KDM4C: variants seen among roughly 807,000 people sequenced by gnomAD.
KDM4C encodes the protein lysine-specific demethylase 4C.
Under a neutral mutation model 129.3 loss-of-function variants are expected in KDM4C, and 81 were observed. The observed-to-expected ratio is 0.63, with a 90% CI of 0.52 to 0.75. The LOEUF (loss-of-function observed/expected upper bound fraction) is 0.75, where lower values mean the gene tolerates loss of function less well. Among genes scored for constraint, KDM4C ranks in the 30% least tolerant of loss-of-function variants. The pLI, the probability that KDM4C is intolerant of heterozygous loss-of-function variation, is 0.00. For synonymous variants in KDM4C, 573 were observed against 456.1 expected (o/e 1.26, Z -3.26); for missense variants, 1,457 against 1,304.0 (o/e 1.12, Z -1.81).
intron 8 of KDM4C, among the ~76,000 whole-genome samples, chr9:6,921,509 TAGA>T (rs1340821023): frequency 6.6e-6 from 1 of 152,228 alleles, no homozygotes; most frequent in Non-Finnish European, 1.5e-5. Flanking sequence ...CTGTTGGCTC[TAGA>T]ATCTCTGGGA....
intron 17 of KDM4C, among the ~76,000 whole-genome samples, chr9:7,050,771 G>C (rs1830049560): frequency 6.6e-6 from 1 of 152,106 alleles, no homozygotes; most frequent in African/African-American, 2.4e-5. Flanking sequence ...CTTCCTTAAA[G>C]ATTTAACGTT....
At chr9:6,962,272 T>A (rs1015181345) in intron 8 of KDM4C, among the ~76,000 whole-genome samples, 9 of 152,212 alleles carry the variant, frequency 5.9e-5, no homozygotes, top group Non-Finnish European at 1.5e-5. Flanking sequence ...TAGCAGTGTT[T>A]AATCTAGCTA....
At chr9:6,749,319 A>G (rs1008032186) in intron 1 of KDM4C, among the ~76,000 whole-genome samples, 1 of 152,196 alleles carries the variant, frequency 6.6e-6, no homozygotes, top group African/African-American at 2.4e-5. Flanking sequence ...AAGCCTGGCC[A>G]GGAATCCTTA....
intron 17 of KDM4C, among the ~76,000 whole-genome samples, chr9:7,093,361 T>G (rs917292719): frequency 1.3e-5 from 2 of 152,218 alleles, no homozygotes; most frequent in African/African-American, 4.8e-5. Flanking sequence ...CCATCTTTTT[T>G]CATTATTATT....
chr9:6,812,493 A>T (rs991394368), intron 3 of KDM4C, among the ~76,000 whole-genome samples: 1 of 152,182 alleles, frequency 6.6e-6, no homozygotes, highest in African/African-American at 2.4e-5. Context: ...TTTCGGGATG[A>T]AACGGTCCTA....
intron 15 of KDM4C, among the ~76,000 whole-genome samples, chr9:7,037,328 C>T (rs144780583): frequency 6.6e-6 from 1 of 152,226 alleles, no homozygotes; most frequent in Non-Finnish European, 1.5e-5. Context: ...TACAATGCAG[C>T]TTGAGAATGT....
upstream of KDM4C, among the ~76,000 whole-genome samples, chr9:6,756,907 A>G (rs190190508): frequency 3.9e-5 from 6 of 152,348 alleles, no homozygotes; most frequent in African/African-American, 1.2e-4. Flanking sequence ...TTCTGTTATC[A>G]GTATAATGTA....
chr9:6,936,333 A>G (rs62533794), intron 8 of KDM4C, among the ~76,000 whole-genome samples: 38,917 of 152,198 alleles, frequency 0.26, 5,432 homozygotes, highest in South Asian at 0.4. Flanking sequence ...TGCTAAAATC[A>G]TGGAGATTTG....
chr9:6,861,209 G>A (rs1352375447), intron 5 of KDM4C, among the ~76,000 whole-genome samples: 1 of 152,034 alleles, frequency 6.6e-6, no homozygotes, highest in African/African-American at 2.4e-5. Context: ...ATTATGTTCT[G>A]TTCTCATAGA....
chr9:6,837,474 A>G (rs1310638774), intron 4 of KDM4C, among the ~76,000 whole-genome samples: 1 of 152,210 alleles, frequency 6.6e-6, no homozygotes. Context: ...GTCGCAGAAC[A>G]TTTCCATCAG....
At chr9:6,926,896 C>T (rs1191202501) in intron 8 of KDM4C, among the ~76,000 whole-genome samples, 2 of 152,090 alleles carry the variant, frequency 1.3e-5, no homozygotes, top group African/African-American at 4.8e-5. Context: ...TTTTCTTATT[C>T]ATAAACATGT....
intron 18 of KDM4C, among the ~76,000 whole-genome samples, chr9:7,116,035 C>G (rs1230312848): frequency 1.3e-5 from 2 of 152,186 alleles, no homozygotes; most frequent in Non-Finnish European, 1.5e-5. Flanking sequence ...ATTATAATGT[C>G]TGAAGAAACG....
chr9:6,846,880 G>A (rs1044844449), intron 4 of KDM4C, among the ~76,000 whole-genome samples: 1 of 151,992 alleles, frequency 6.6e-6, no homozygotes, highest in African/African-American at 2.4e-5. Context: ...TTAGTGCTCC[G>A]AGCAACTCTA....
chr9:6,999,077 A>G (rs920502954), intron 12 of KDM4C, among the ~76,000 whole-genome samples: 1 of 152,210 alleles, frequency 6.6e-6, no homozygotes, highest in African/African-American at 2.4e-5. Context: ...ACAAAAGGAC[A>G]TTAGTTAGAA....
intron 12 of KDM4C, among the ~76,000 whole-genome samples, chr9:6,999,011 T>C (rs992893581): frequency 5.3e-5 from 8 of 152,352 alleles, no homozygotes; most frequent in Non-Finnish European, 1.2e-4. Flanking sequence ...GTCATTGTCC[T>C]GCTGGTACTT....
At chr9:7,130,075 G>C (rs988302833) in intron 19 of KDM4C, among the ~76,000 whole-genome samples, 1 of 152,228 alleles carries the variant, frequency 6.6e-6, no homozygotes, top group African/African-American at 2.4e-5. Context: ...GGTAGAATGA[G>C]GCCCCTGGAC....
At chr9:6,937,599 C>G (rs1330599994) in intron 8 of KDM4C, among the ~76,000 whole-genome samples, 2 of 152,138 alleles carry the variant, frequency 1.3e-5, no homozygotes, top group Admixed American at 6.5e-5. Flanking sequence ...ACATGCTGCT[C>G]TAGCAGGCTG....
intron 8 of KDM4C, among the ~76,000 whole-genome samples, chr9:6,898,584 T>G (rs1816842432): frequency 6.6e-6 from 1 of 152,186 alleles, no homozygotes; most frequent in East Asian, 1.9e-4. Context: ...ACTATCTAAT[T>G]TTAAGACATT....
chr9:7,076,307 A>C (rs546164205), intron 17 of KDM4C: 1 of 642,038 alleles, frequency 1.6e-6, no homozygotes, highest in East Asian at 2.8e-5. Context: ...TATTCAAGGA[A>C]TACATATGGG....
Sources: gnomAD v4.1 joint callset for allele counts (sites outside exome capture counted in the v4.1 genomes callset) on GRCh38, gnomAD v4.1.1 for gene constraint, MANE v1.5 for transcripts, NCBI Gene and HGNC (gene_info 2026-07-23, HGNC 2026-07-21) for gene names.